Variants in RASSF9 observed in about 807,000 individuals in gnomAD.
The protein encoded by RASSF9 is ras association domain-containing protein 9.
RASSF9 carries 18 observed loss-of-function variants against 21.4 expected under a neutral mutation model. The observed-to-expected ratio is 0.84, with a 90% CI of 0.58 to 1.25. The LOEUF (loss-of-function observed/expected upper bound fraction) is 1.25, where lower values mean the gene tolerates loss of function less well. RASSF9 is among the 50% of genes most tolerant of loss of function. The pLI is 0.00. For missense variants in RASSF9, 480 were observed against 503.2 expected, an observed-to-expected ratio of 0.95 and a Z score of 0.44; for synonymous variants, 183 against 179.1, an observed-to-expected ratio of 1.02 and a Z score of -0.18.
At chr12:85,821,155 GA>G (rs369850571) in intron 1 of RASSF9, among the ~76,000 whole-genome samples, 8 of 150,054 alleles carry the variant, frequency 5.3e-5, no homozygotes, top group African/African-American at 1.2e-4. Flanking sequence ...AAAAATAAAA[GA>G]AAAAAAAAGC....
chr12:85,824,507 C>T lies in RASSF9; in HGVS notation c.47+11648G>A, dbSNP rs74480560. On this transcript the variant is annotated intron_variant, in intron 1 of 1. Transcript: ENST00000361228. Reference sequence around the variant, plus strand: ...ATCTTTCCCCTTCACATTTGTGCCCCGTAATCTTACCAGACTGTCATTTTT... The same window carrying T: ...ATCTTTCCCCTTCACATTTGTGCCCTGTAATCTTACCAGACTGTCATTTTT... Among the ~76,000 whole-genome samples, 239 of 152,198 alleles carry T rather than the reference C, an allele frequency of 1.6e-3. 3 individuals are homozygous for T. The highest frequency in any genetic ancestry group is 2.9e-3 in the Non-Finnish European group (197 of 68,006).
intron 1 of RASSF9, among the ~76,000 whole-genome samples, chr12:85,810,293 G>A (rs1300356952): frequency 6.6e-6 from 1 of 151,866 alleles, no homozygotes; most frequent in Non-Finnish European, 1.5e-5. Flanking sequence ...AAATGTGTAT[G>A]ATACAAAGAC....
intron 1 of RASSF9, among the ~76,000 whole-genome samples, chr12:85,826,802 A>G (rs988126651): frequency 1.3e-5 from 2 of 152,138 alleles, no homozygotes; most frequent in South Asian, 4.1e-4. Flanking sequence ...TGACATAATG[A>G]TTATATCATT....
chr12:85,817,540 T>G (rs977844024), intron 1 of RASSF9, among the ~76,000 whole-genome samples: 1 of 151,962 alleles, frequency 6.6e-6, no homozygotes. Flanking sequence ...AAATGTACAA[T>G]TTTTAATAAA....
At position 85,804,681 on chromosome 12, in the gene RASSF9, G is replaced by T; in HGVS notation, c.*21C>A. The T allele has an allele frequency of 1.9e-6, 3 of 1,546,618 alleles. No individual in the cohort carries two copies. The highest frequency in any genetic ancestry group is 2.6e-6 in the Non-Finnish European group (3 of 1,144,176). ...AACAAACATTAAAACATGAAAGCAG[G>T]TCAGAAAGGAGCCATTGGAACTATG... On this transcript the variant is annotated 3_prime_UTR_variant, in exon 2 of 2. Coordinates refer to ENST00000361228, the MANE Select transcript of RASSF9 (RefSeq NM_005447.4).
At position 85,804,521 on chromosome 12, in the gene RASSF9, CAAT is replaced by C; in HGVS notation, c.*178_*180del. 1.8e-6 allele frequency: 1 copy of C among 567,946 alleles called. No homozygotes were observed. Among genetic ancestry groups the C allele is most frequent in the Non-Finnish European group, 2.8e-6 (1 of 354,408 alleles). 35.2% of individuals were successfully genotyped at this position (567,946 alleles called of 1,614,324 possible). On this transcript the variant is annotated 3_prime_UTR_variant, in exon 2 of 2. Coordinates refer to ENST00000361228, the MANE Select transcript of RASSF9 (RefSeq NM_005447.4). ...ATAAATAGTTCATTGCTTGAACTTG[CAAT>C]AATTAAAGTTCCTTTGGAAATTTCA...
At chr12:85,825,242 C>A (rs982289361) in intron 1 of RASSF9, among the ~76,000 whole-genome samples, 2 of 152,152 alleles carry the variant, frequency 1.3e-5, no homozygotes, top group African/African-American at 4.8e-5. Flanking sequence ...CACTTAGTAG[C>A]AGCACTTTGT....
At chr12:85,818,215 A>C (rs1880121641) in intron 1 of RASSF9, among the ~76,000 whole-genome samples, 1 of 152,214 alleles carries the variant, frequency 6.6e-6, no homozygotes, top group Non-Finnish European at 1.5e-5. Context: ...AAGTGTTGTA[A>C]ATGCTTTATG....
intron 1 of RASSF9, among the ~76,000 whole-genome samples, chr12:85,810,433 G>T (rs1253308882): frequency 1.3e-5 from 2 of 151,848 alleles, no homozygotes; most frequent in Admixed American, 6.6e-5. Context: ...GCACCCAGTT[G>T]CTAGACTGAT....
intron 1 of RASSF9, among the ~76,000 whole-genome samples, chr12:85,831,405 C>T (rs1880448953): frequency 6.6e-6 from 1 of 151,974 alleles, no homozygotes; most frequent in Admixed American, 6.6e-5. Flanking sequence ...GTAGATAATA[C>T]ATTTTATGTA....
chr12:85,820,647 T>C (rs1183112022), intron 1 of RASSF9, among the ~76,000 whole-genome samples: 1 of 152,206 alleles, frequency 6.6e-6, no homozygotes, highest in African/African-American at 2.4e-5. Context: ...ATTTCCCTCA[T>C]GTAAATAATG....
intron 1 of RASSF9, among the ~76,000 whole-genome samples, chr12:85,834,884 C>T (rs1024597514): frequency 2.0e-5 from 3 of 152,012 alleles, no homozygotes; most frequent in African/African-American, 7.2e-5. Flanking sequence ...ACTCAAACCA[C>T]TTTATTTTAA....
intron 1 of RASSF9, among the ~76,000 whole-genome samples, chr12:85,815,518 C>G (rs1880043017): frequency 6.6e-6 from 1 of 152,144 alleles, no homozygotes. Flanking sequence ...AATTGCCACA[C>G]TGTCTTCCAC....
At chr12:85,835,794 A>G (rs1190112513) in intron 1 of RASSF9, among the ~76,000 whole-genome samples, 1 of 152,208 alleles carries the variant, frequency 6.6e-6, no homozygotes, top group Non-Finnish European at 1.5e-5. Context: ...AAACAAAATG[A>G]CACTTTTTAT....
rs1879797667 is a variant in RASSF9 at position 85,805,308 on chromosome 12, T to G, written c.702A>C (p.Ala234=). Residue 234 remains alanine (A), a synonymous_variant, in exon 2 of 2, where the codon GCA becomes GCC. Coordinates refer to ENST00000361228, the MANE Select transcript of RASSF9 (RefSeq NM_005447.4). ...ENDGENYVQD[A]YLMPSFSEVE... ...CTTCACTGAAACTGGGCATTAAATA[T>G]GCATCCTGAACATAGTTTTCTCCAT... The G allele has an allele frequency of 6.2e-7, 1 of 1,613,482 alleles. No homozygotes were observed. The highest frequency in any genetic ancestry group is 1.1e-5 in the South Asian group (1 of 91,088).
intron 1 of RASSF9, among the ~76,000 whole-genome samples, chr12:85,818,742 T>C (rs1016840549): frequency 2.2e-4 from 33 of 151,750 alleles, no homozygotes; most frequent in African/African-American, 7.7e-4. Context: ...GGGCGGATCA[T>C]GAGGTCAAGA....
At position 85,800,703 on chromosome 12, in the gene RASSF9, A is replaced by G. The variant is rs1479341978; in HGVS notation, c.*3999T>C. On this transcript the variant is annotated 3_prime_UTR_variant, in exon 2 of 2. Transcript: ENST00000361228. Reference sequence around the variant, plus strand: ...AGACCACCCAAAACAATATCACAAGAAAGGTATAATTATTTCTTTTATTAT... The same window carrying G: ...AGACCACCCAAAACAATATCACAAGGAAGGTATAATTATTTCTTTTATTAT... 1.3e-5 allele frequency: 2 copies of G among 151,836 alleles called. No homozygotes were observed. Among genetic ancestry groups the G allele is most frequent in the East Asian group, 1.9e-4 (1 of 5,200 alleles). 9.4% of individuals were successfully genotyped at this position (151,836 alleles called of 1,614,324 possible). A position where few individuals can be genotyped will look rare whatever the true frequency, so the allele number is the denominator to read the frequency against.
chr12:85,819,236 A>AG (rs1216797155), intron 1 of RASSF9, among the ~76,000 whole-genome samples: 1 of 151,574 alleles, frequency 6.6e-6, no homozygotes, highest in African/African-American at 2.4e-5. Context: ...TTTTAGAGAC[A>AG]GGGTCTCACT....
intron 1 of RASSF9, among the ~76,000 whole-genome samples, chr12:85,820,343 C>A (rs538153271): frequency 5.2e-4 from 79 of 152,078 alleles, no homozygotes; most frequent in Non-Finnish European, 9.7e-4. Context: ...TACTGTTAGT[C>A]CTTTACTGAA....
Sources: gnomAD v4.1 joint callset for allele counts (sites outside exome capture counted in the v4.1 genomes callset) on GRCh38, gnomAD v4.1.1 for gene constraint, MANE v1.5 for transcripts, NCBI Gene and HGNC (gene_info 2026-07-23, HGNC 2026-07-21) for gene names.